WHRN: variants seen among roughly 807,000 people sequenced by gnomAD.
The protein encoded by WHRN is CASK-interacting protein CIP98.
WHRN carries 41 observed loss-of-function variants against 68.3 expected under a neutral mutation model. That is an observed-to-expected ratio of 0.60 (90% CI 0.47 to 0.78). The LOEUF is 0.78. Among genes scored for constraint, WHRN ranks in the 30% least tolerant of loss-of-function variants. The pLI, the probability that WHRN is intolerant of heterozygous loss-of-function variation, is 0.00. For missense variants in WHRN, 1,243 were observed against 1,244.7 expected, an observed-to-expected ratio of 1.00 and a Z score of 0.02; for synonymous variants, 560 against 561.3, an observed-to-expected ratio of 1.00 and a Z score of 0.03.
intron 7 of WHRN, among the ~76,000 whole-genome samples, chr9:114,415,261 G>C (rs1028316956): frequency 6.1e-5 from 9 of 146,528 alleles, no homozygotes; most frequent in Non-Finnish European, 1.4e-4. Flanking sequence ...CCCCAACAGA[G>C]ACCCTATCTC....
rs1347762645 is a variant in WHRN, at chr9:114,424,327, G to C, written c.1416+7C>G. ...TGAAGCCAGTTGGGAGGCAGGGCAC[G>C]GGTCACCTTGGCGTGGGTGTTGAGC... On this transcript the variant is annotated splice_region_variant and intron_variant, in intron 6 of 11. Coordinates refer to ENST00000362057, the MANE Select transcript of WHRN (RefSeq NM_015404.4). 3.1e-6 allele frequency: 5 copies of C among 1,612,058 alleles called. No homozygotes were observed. The highest frequency in any genetic ancestry group is 4.2e-6 in the Non-Finnish European group (5 of 1,179,986).
chr9:114,407,004 A>G lies in WHRN; in HGVS notation c.1699-112T>C. 10 of 1,321,704 alleles carry G rather than the reference A, an allele frequency of 7.6e-6. No individual in the cohort carries two copies. The South Asian group carries it at 1.3e-4, about 17-fold the overall frequency. 81.9% of individuals were successfully genotyped at this position (1,321,704 alleles called of 1,614,324 possible). A position where few individuals can be genotyped will look rare whatever the true frequency, so the allele number is the denominator to read the frequency against. ...CCAGCTGGAATTCTGTCCCCACTCT[A>G]ACTGCTCTTGGCCACACTGCTCTGA... On this transcript the variant is annotated intron_variant, in intron 8 of 11. Coordinates refer to ENST00000362057, the MANE Select transcript of WHRN (RefSeq NM_015404.4).
At chr9:114,438,814 T>C (rs1434226411) in intron 3 of WHRN, among the ~76,000 whole-genome samples, 1 of 152,198 alleles carries the variant, frequency 6.6e-6, no homozygotes, top group Non-Finnish European at 1.5e-5. Flanking sequence ...AAAATACATA[T>C]GCACACAGTT....
At chr9:114,410,431 A>G (rs548601760) in intron 7 of WHRN, among the ~76,000 whole-genome samples, 2 of 152,346 alleles carry the variant, frequency 1.3e-5, no homozygotes, top group East Asian at 3.9e-4. Flanking sequence ...CCATCATTGG[A>G]GGAGGCCAGA....
At position 114,504,307 on chromosome 9, in the gene WHRN, G is replaced by A; in HGVS notation, c.495C>T (p.Gly165=). The A allele has an allele frequency of 6.2e-7, 1 of 1,613,048 alleles. No homozygotes were observed. Among genetic ancestry groups the A allele is most frequent in the Non-Finnish European group, 8.5e-7 (1 of 1,180,028 alleles). The part of the protein sequence containing the change: ...SIRGGSEHGV[G]IYVSLVEPGS... The stretch of plus-strand genomic sequence containing the variant: ...CTGGTTCCACCAGAGACACGTAGAT[G>A]CCCACGCCGTGCTCCGAGCCCCCAC... Residue 165 remains glycine (G), a synonymous_variant, in exon 1 of 12, where the codon GGC becomes GGT. Coordinates refer to ENST00000362057, the MANE Select transcript of WHRN (RefSeq NM_015404.4).
At chr9:114,463,492 G>A (rs528651609) in intron 3 of WHRN, among the ~76,000 whole-genome samples, 1 of 152,256 alleles carries the variant, frequency 6.6e-6, no homozygotes, top group South Asian at 2.1e-4. Flanking sequence ...GGATTCACTG[G>A]ATCCTGGAAC....
At chr9:114,423,588 G>T in intron 6 of WHRN, 65 bp from the exon 7 acceptor site, 2 of 1,483,854 alleles carry the variant, frequency 1.3e-6, no homozygotes, top group Non-Finnish European at 1.8e-6. Context: ...CAGGGGCCCT[G>T]CTACCCCCAA....
At chr9:114,464,816 AATGATGATGATG>A (rs10523063) in intron 3 of WHRN, among the ~76,000 whole-genome samples, 28,154 of 144,686 alleles carry the variant, frequency 0.19, 3,106 homozygotes, top group South Asian at 0.3. Flanking sequence ...TTATGTCCAT[AATGATGATGATG>A]ATGATGATGA....
chr9:114,491,438 T>C (rs188620135), intron 1 of WHRN: 1 of 149,662 alleles, frequency 6.7e-6, no homozygotes, highest in East Asian at 1.9e-4. Context: ...ATGCACGAAA[T>C]ATATACGTGT....
chr9:114,499,815 C>T (rs2133416435), intron 1 of WHRN, among the ~76,000 whole-genome samples: 1 of 152,332 alleles, frequency 6.6e-6, no homozygotes, highest in East Asian at 1.9e-4. Flanking sequence ...CTTATCTTTG[C>T]AGCTCCAACC....
At chr9:114,438,405 G>A (rs1838051873) in intron 3 of WHRN, among the ~76,000 whole-genome samples, 1 of 151,998 alleles carries the variant, frequency 6.6e-6, no homozygotes, top group Non-Finnish European at 1.5e-5. Context: ...ACAGCTGGTG[G>A]GAATTCAGGA....
At position 114,402,154 on chromosome 9, in the gene WHRN, C is replaced by T. The variant is rs556713194; in HGVS notation, c.*600G>A. 6.1e-6 allele frequency: 1 copy of T among 162,982 alleles called. No individual in the cohort carries two copies. Among genetic ancestry groups the T allele is most frequent in the East Asian group, 1.7e-4 (1 of 5,888 alleles). The allele number at this position is 162,982 out of a possible 1,614,324, so 10.1% of individuals were successfully genotyped here. A position where few individuals can be genotyped will look rare whatever the true frequency, so the allele number is the denominator to read the frequency against. On this transcript the variant is annotated 3_prime_UTR_variant, in exon 12 of 12. Coordinates refer to ENST00000362057, the MANE Select transcript of WHRN (RefSeq NM_015404.4). ...ATATAAATACAATGACACTGCTGGT[C>T]ACCTGCAAGGCCTCTGGGATAGGCT... is the stretch of plus-strand genomic sequence containing the variant.
intron 2 of WHRN, among the ~76,000 whole-genome samples, chr9:114,467,368 C>T (rs998194693): frequency 3.3e-5 from 5 of 152,048 alleles, no homozygotes; most frequent in African/African-American, 9.7e-5. Context: ...CAGGCCTTCA[C>T]GGTACAGTGT....
At chr9:114,501,237 A>C (rs1022731231) in intron 1 of WHRN, among the ~76,000 whole-genome samples, 1 of 152,196 alleles carries the variant, frequency 6.6e-6, no homozygotes, top group South Asian at 2.1e-4. Flanking sequence ...TATTATTATT[A>C]GTTTGGCTCC....
At chr9:114,415,561 C>T (rs1835758127) in intron 7 of WHRN, among the ~76,000 whole-genome samples, 1 of 152,184 alleles carries the variant, frequency 6.6e-6, no homozygotes, top group Non-Finnish European at 1.5e-5. Flanking sequence ...AACCTCTCTC[C>T]CCAAGTACCC....
rs141589588 is a variant in WHRN, at chr9:114,451,674, C to T, written c.963+14593G>A. ...GGAAGGCCCTGCCCTGTGTCCCTCC[C>T]CCAGTCTGCCTGAGAACCACTTCAC... On this transcript the variant is annotated intron_variant, in intron 3 of 11. Transcript: ENST00000362057. Among the ~76,000 whole-genome samples the T allele has an allele frequency of 2.2e-3, 337 of 152,062 alleles. 1 individual carries two copies. The South Asian group carries it at 0.026, about 12-fold the overall frequency.
intron 4 of WHRN, chr9:114,425,239 C>A: frequency 1.5e-6 from 1 of 686,834 alleles, no homozygotes; most frequent in Non-Finnish European, 2.7e-6. Flanking sequence ...GCAGTGTGCA[C>A]GGCACCTCCA....
At chr9:114,450,048 G>C (rs1169189689) in intron 3 of WHRN, among the ~76,000 whole-genome samples, 1 of 152,088 alleles carries the variant, frequency 6.6e-6, no homozygotes, top group East Asian at 1.9e-4. Flanking sequence ...AGGACTTGTG[G>C]ACCCGCCCAG....
intron 3 of WHRN, among the ~76,000 whole-genome samples, chr9:114,451,721 T>C (rs1430140967): frequency 6.6e-6 from 1 of 152,142 alleles, no homozygotes; most frequent in African/African-American, 2.4e-5. Context: ...CCATCTAAGT[T>C]CTGTAAGAAC....
Sources: gnomAD v4.1 joint callset for allele counts (sites outside exome capture counted in the v4.1 genomes callset) on GRCh38, gnomAD v4.1.1 for gene constraint, MANE v1.5 for transcripts, NCBI Gene and HGNC (gene_info 2026-07-23, HGNC 2026-07-21) for gene names.